PCP4: variants seen among roughly 807,000 people sequenced by gnomAD.
PCP4 encodes calmodulin regulator protein PCP4.
A neutral mutation model predicts 10.0 loss-of-function variants in PCP4; 8 were observed. The ratio of observed to expected loss-of-function variants is 0.80; its 90% CI spans 0.47 to 1.45. PCP4 has a LOEUF of 1.45. Among genes scored for constraint, PCP4 ranks in the 40% most tolerant of loss-of-function variants. The probability of loss-of-function intolerance (pLI) is 0.00; values close to 1 mark genes in which losing one functional copy is unlikely to be tolerated. For missense variants in PCP4, 54 were observed against 74.4 expected (o/e 0.73, Z 1.01); for synonymous variants, 21 against 23.0 (o/e 0.91, Z 0.24).
At chr21:39,898,244 C>G (rs1387380003) in intron 1 of PCP4, 1 of 555,108 alleles carries the variant, frequency 1.8e-6, no homozygotes, top group Non-Finnish European at 3.2e-6. Context: ...TACTGGTGAC[C>G]TGCATTCCTA....
In PCP4 at chr21:39,869,034, G is replaced by A. The variant is rs2087307233; in HGVS notation, c.9+1524G>A. On this transcript the variant is annotated intron_variant, in intron 1 of 2. Coordinates refer to ENST00000328619, the MANE Select transcript of PCP4 (RefSeq NM_006198.3). The stretch of plus-strand genomic sequence containing the variant: ...CTACAGATATTTCAGAAGCTTCTGT[G>A]TCCACATCAGCTCACCTTGCTTGCA... Among the ~76,000 whole-genome samples the A allele has an allele frequency of 1.3e-5, 2 of 152,282 alleles. 1 individual carries two copies. Among genetic ancestry groups the A allele is most frequent in the South Asian group, 4.2e-4 (2 of 4,818 alleles).
At chr21:39,925,117 C>T (rs1017424319) in intron 2 of PCP4, among the ~76,000 whole-genome samples, 3 of 152,212 alleles carry the variant, frequency 2.0e-5, no homozygotes, top group Non-Finnish European at 2.9e-5. Context: ...CAGCAGTGCT[C>T]CCTGACGTCA....
chr21:39,868,203 T>C (rs1165879587), intron 1 of PCP4, among the ~76,000 whole-genome samples: 1 of 152,230 alleles, frequency 6.6e-6, no homozygotes, highest in Non-Finnish European at 1.5e-5. Flanking sequence ...CTTCTCCTTT[T>C]TTCTCATCTA....
intron 1 of PCP4, among the ~76,000 whole-genome samples, chr21:39,891,244 C>G (rs955062810): frequency 6.6e-6 from 1 of 152,208 alleles, no homozygotes; most frequent in African/African-American, 2.4e-5. Flanking sequence ...TCACTAGGCC[C>G]TCTCTGAGGA....
intron 2 of PCP4, among the ~76,000 whole-genome samples, chr21:39,911,566 A>G (rs2087540076): frequency 1.3e-5 from 2 of 152,192 alleles, no homozygotes; most frequent in Non-Finnish European, 2.9e-5. Flanking sequence ...TTCTTTAGAA[A>G]CTTTATAACC....
At chr21:39,925,466 G>A (rs979357825) in intron 2 of PCP4, among the ~76,000 whole-genome samples, 5 of 152,234 alleles carry the variant, frequency 3.3e-5, no homozygotes, top group Non-Finnish European at 7.3e-5. Flanking sequence ...TCCTATGTAA[G>A]CTGTTGGAAC....
intron 1 of PCP4, among the ~76,000 whole-genome samples, chr21:39,870,579 A>G (rs1490771016): frequency 1.3e-5 from 2 of 152,214 alleles, no homozygotes; most frequent in African/African-American, 2.4e-5. Flanking sequence ...TCCTGGAATA[A>G]TGACAGTCAG....
intron 2 of PCP4, among the ~76,000 whole-genome samples, chr21:39,926,401 CATT>C: frequency 6.6e-6 from 1 of 152,202 alleles, no homozygotes. Flanking sequence ...TTTCTTCCAT[CATT>C]ATAAAAGGGA....
At chr21:39,891,068 A>G (rs1255303688) in intron 1 of PCP4, among the ~76,000 whole-genome samples, 1 of 152,232 alleles carries the variant, frequency 6.6e-6, no homozygotes, top group Non-Finnish European at 1.5e-5. Context: ...AGCTCAAAGT[A>G]CAGACAGAAA....
intron 1 of PCP4, chr21:39,883,621 C>T (rs2087386399): frequency 6.6e-6 from 1 of 152,190 alleles, no homozygotes. Context: ...AGTCTCTTGA[C>T]ATCCATGTGA....
intron 1 of PCP4, among the ~76,000 whole-genome samples, chr21:39,874,652 T>A (rs941326755): frequency 2.2e-5 from 3 of 134,038 alleles, no homozygotes; most frequent in Admixed American, 1.5e-4. Flanking sequence ...CTTCCTTTTT[T>A]TTCAAGATCT....
chr21:39,884,649 T>C (rs2087391160), intron 1 of PCP4, among the ~76,000 whole-genome samples: 1 of 151,974 alleles, frequency 6.6e-6, no homozygotes, highest in East Asian at 2.0e-4. Context: ...TTACAAAAGT[T>C]AGCCAGGCGT....
chr21:39,898,923 C>T (rs893016053), intron 2 of PCP4, among the ~76,000 whole-genome samples: 2 of 152,186 alleles, frequency 1.3e-5, no homozygotes, highest in Non-Finnish European at 2.9e-5. Flanking sequence ...TTAAAACTTG[C>T]TTCAGCCCTC....
chr21:39,920,331 G>A (rs2087590955), intron 2 of PCP4, among the ~76,000 whole-genome samples: 1 of 147,214 alleles, frequency 6.8e-6, no homozygotes, highest in Admixed American at 6.7e-5. Context: ...TGTGATGTGT[G>A]TGTGGTATGT....
intron 2 of PCP4, among the ~76,000 whole-genome samples, chr21:39,920,213 TGGTGTGGTGTG>T (rs1411766866): frequency 6.9e-6 from 1 of 145,226 alleles, no homozygotes; most frequent in African/African-American, 2.6e-5. Context: ...TATGTGTGTT[TGGTGTGGTGTG>T]GGTGTGGTGT....
intron 2 of PCP4, among the ~76,000 whole-genome samples, chr21:39,905,928 T>G (rs1246508396): frequency 6.6e-6 from 1 of 152,120 alleles, no homozygotes; most frequent in East Asian, 1.9e-4. Flanking sequence ...TGGCTGCCTG[T>G]AGTCCCAGAT....
intron 2 of PCP4, among the ~76,000 whole-genome samples, chr21:39,927,165 A>G (rs1396040409): frequency 6.6e-6 from 1 of 152,134 alleles, no homozygotes; most frequent in Non-Finnish European, 1.5e-5. Flanking sequence ...AATTGAGAGG[A>G]GGCTGCTTAC....
intron 1 of PCP4, among the ~76,000 whole-genome samples, chr21:39,895,075 TCATCCATCCACCCACCCATC>T (rs985427151): frequency 9.2e-5 from 14 of 151,568 alleles, no homozygotes; most frequent in Non-Finnish European, 1.8e-4. Context: ...ACACACCCAT[TCATCCATCCACCCACCCATC>T]CATCCATCCA....
chr21:39,868,081 G>A (rs1006826282), intron 1 of PCP4, among the ~76,000 whole-genome samples: 2 of 152,200 alleles, frequency 1.3e-5, no homozygotes, highest in Non-Finnish European at 2.9e-5. Flanking sequence ...AGGCGGCCCC[G>A]GCAGAAGAAG....
Sources: gnomAD v4.1 joint callset for allele counts (sites outside exome capture counted in the v4.1 genomes callset) on GRCh38, gnomAD v4.1.1 for gene constraint, MANE v1.5 for transcripts, NCBI Gene and HGNC (gene_info 2026-07-23, HGNC 2026-07-21) for gene names.